The following CPN1 variants were observed in gnomAD, a reference collection of about 807,000 sequenced individuals.
CPN1 encodes the protein carboxypeptidase N subunit 1, also known as carboxypeptidase N catalytic chain.
In CPN1, 37 loss-of-function variants were observed where a neutral mutation model predicts 46.4. The observed-to-expected ratio is 0.80, with a 90% CI of 0.61 to 1.05. The LOEUF (loss-of-function observed/expected upper bound fraction) is 1.05, where lower values mean the gene tolerates loss of function less well. Among genes scored for constraint, CPN1 ranks in the 50% least tolerant of loss-of-function variants. The pLI, the probability that CPN1 is intolerant of heterozygous loss-of-function variation, is 0.00. For synonymous variants in CPN1, 224 were observed against 235.4 expected (o/e 0.95, Z 0.44); for missense variants, 563 against 602.6 (o/e 0.93, Z 0.69).
Position 100,054,383 on chromosome 10 carries a change from T to TA in CPN1, c.1074_1075insT (p.Ile359TyrfsTer7). On this transcript the variant is annotated frameshift_variant, in exon 7 of 9. Transcript: ENST00000370418. LOFTEE classifies it high-confidence loss of function. ...TCATGGTTAATCCCACTGACAGAAA[T>TA]GACAGCATTGGCGAGATTATTGTAA... is the stretch of plus-strand genomic sequence containing the variant. The TA allele has an allele frequency of 6.2e-7, 1 of 1,614,074 alleles. No homozygotes were observed. The highest frequency in any genetic ancestry group is 1.3e-5 in the African/African-American group (1 of 75,026).
intron 5 of CPN1, among the ~76,000 whole-genome samples, chr10:100,057,782 G>A (rs1247098825): frequency 1.3e-5 from 2 of 152,252 alleles, no homozygotes; most frequent in Admixed American, 1.3e-4. Context: ...AACGTGAGGA[G>A]TATTGGGGTG....
At chr10:100,052,715 A>G (rs1209417269) in intron 7 of CPN1, among the ~76,000 whole-genome samples, 1 of 152,082 alleles carries the variant, frequency 6.6e-6, no homozygotes, top group African/African-American at 2.4e-5. Context: ...AAAAATAAAA[A>G]TAAAAAATAA....
intron 1 of CPN1, among the ~76,000 whole-genome samples, chr10:100,080,184 G>A (rs1401234550): frequency 6.6e-6 from 1 of 152,168 alleles, no homozygotes; most frequent in East Asian, 1.9e-4. Context: ...GGATGTGGAA[G>A]CGAAGAGGTA....
At chr10:100,058,328 G>A (rs1158171991) in intron 5 of CPN1, among the ~76,000 whole-genome samples, 1 of 152,110 alleles carries the variant, frequency 6.6e-6, no homozygotes, top group African/African-American at 2.4e-5. Flanking sequence ...AGACCTGGGA[G>A]GTTAGGAATG....
chr10:100,042,862 G>T lies in CPN1; in HGVS notation c.1231-289C>A, dbSNP rs185814980. Among the ~76,000 whole-genome samples the T allele has an allele frequency of 5.0e-3, 755 of 152,120 alleles. 11 individuals carry two copies. Among genetic ancestry groups the T allele is most frequent in the African/African-American group, 0.017 (725 of 41,518 alleles). On this transcript the variant is annotated intron_variant, in intron 8 of 8. Coordinates refer to ENST00000370418, the MANE Select transcript of CPN1 (RefSeq NM_001308.3). ...TAATCCCAGCACTTGGGAGGCTGAG[G>T]TGGTGGATCACCTGAGGTCAGGAGT... is the stretch of plus-strand genomic sequence containing the variant.
At chr10:100,076,243 C>A (rs74565668) in intron 1 of CPN1, 136 bp from the exon 2 acceptor site, 29,508 of 854,008 alleles carry the variant, frequency 0.035, 726 homozygotes, top group African/African-American at 0.083. Flanking sequence ...GCAATAATCC[C>A]TGAGCCCCTT....
chr10:100,078,842 G>A (rs1286979154), intron 1 of CPN1, among the ~76,000 whole-genome samples: 1 of 152,186 alleles, frequency 6.6e-6, no homozygotes, highest in East Asian at 1.9e-4. Flanking sequence ...CAGGGCCTAT[G>A]AGGCCCTGCG....
intron 8 of CPN1, among the ~76,000 whole-genome samples, chr10:100,046,515 G>A (rs2041313078): frequency 6.6e-6 from 1 of 152,220 alleles, no homozygotes; most frequent in Admixed American, 6.5e-5. Context: ...GCTCACGCCT[G>A]TAATCTCAGC....
chr10:100,056,969 A>G (rs371734491), intron 6 of CPN1, 44 bp downstream of exon 6: 534 of 1,613,820 alleles, frequency 3.3e-4, no homozygotes, highest in Non-Finnish European at 4.0e-4. Context: ...ATTGAGAAGC[A>G]CTTCTCTTTT....
intron 5 of CPN1, among the ~76,000 whole-genome samples, chr10:100,060,020 T>C (rs1264423374): frequency 6.6e-6 from 1 of 152,196 alleles, no homozygotes; most frequent in Non-Finnish European, 1.5e-5. Flanking sequence ...ATCCCACTTA[T>C]ATGAGGTACT....
In CPN1 at chr10:100,081,832, CCTTT is replaced by C; in HGVS notation, c.-211_-208del. 1.7e-6 allele frequency: 1 copy of C among 590,546 alleles called. No individual in the cohort carries two copies. Among genetic ancestry groups the C allele is most frequent in the East Asian group, 3.0e-5 (1 of 33,264 alleles). 36.6% of individuals were successfully genotyped at this position (590,546 alleles called of 1,614,324 possible). A position where few individuals can be genotyped will look rare whatever the true frequency, so the allele number is the denominator to read the frequency against. ...GCCACTCATCTCTCCTCCCTCACTCCCTTTCTTTCTCTAATCCAGGAAAGCCTTT... is the reference window on the plus strand; with the variant it reads ...GCCACTCATCTCTCCTCCCTCACTCCCTTTCTCTAATCCAGGAAAGCCTTT... On this transcript the variant is annotated 5_prime_UTR_variant, in exon 1 of 9. Transcript: ENST00000370418.
chr10:100,047,933 G>A (rs984118103), intron 8 of CPN1, among the ~76,000 whole-genome samples: 3 of 152,030 alleles, frequency 2.0e-5, no homozygotes, highest in African/African-American at 4.8e-5. Context: ...CGGGTGTTGC[G>A]GTGAGCCGAG....
chr10:100,043,663 C>CT lies in CPN1; in HGVS notation c.1231-1091dup, dbSNP rs200665612. ...GGTATGGACTTGGGGATTTATTTTA[C>CT]TTTTCTTTTTTTTTTTAATTTTAGA... is the stretch of plus-strand genomic sequence containing the variant. On this transcript the variant is annotated intron_variant, in intron 8 of 8. Coordinates refer to ENST00000370418, the MANE Select transcript of CPN1 (RefSeq NM_001308.3). 5.8e-3 allele frequency among the ~76,000 whole-genome samples: 851 copies of CT among 145,502 alleles called. 14 individuals carry two copies. The highest frequency in any genetic ancestry group is 0.02 in the African/African-American group (759 of 38,052).
intron 2 of CPN1, among the ~76,000 whole-genome samples, chr10:100,071,858 T>G (rs1589478410): frequency 6.6e-6 from 1 of 152,334 alleles, no homozygotes; most frequent in African/African-American, 2.4e-5. Context: ...TATAAGGGAC[T>G]TGAGCATCCA....
intron 8 of CPN1, among the ~76,000 whole-genome samples, chr10:100,047,347 A>T (rs897174216): frequency 6.6e-6 from 1 of 152,132 alleles, no homozygotes; most frequent in Admixed American, 6.5e-5. Context: ...AGGAGGACAT[A>T]TCTGACCTCC....
intron 8 of CPN1, 79 bp from the exon 9 acceptor site, chr10:100,042,652 C>A: frequency 6.3e-7 from 1 of 1,577,486 alleles, no homozygotes; most frequent in Non-Finnish European, 8.7e-7. Flanking sequence ...GGGCTGGGTA[C>A]TAGGGAAAAT....
At chr10:100,071,221 T>C (rs953105913) in intron 2 of CPN1, among the ~76,000 whole-genome samples, 3 of 152,218 alleles carry the variant, frequency 2.0e-5, no homozygotes, top group African/African-American at 7.2e-5. Context: ...ATTAGGAAAC[T>C]GTGTTAGTTT....
chr10:100,063,418 G>GCCAT (rs1027774819), intron 5 of CPN1, among the ~76,000 whole-genome samples, 196 bp downstream of exon 5: 1 of 152,202 alleles, frequency 6.6e-6, no homozygotes, highest in African/African-American at 2.4e-5. Context: ...ACTGTGCCCA[G>GCCAT]CCATCCCCAC....
At chr10:100,078,255 A>G (rs570010708) in intron 1 of CPN1, among the ~76,000 whole-genome samples, 4 of 152,256 alleles carry the variant, frequency 2.6e-5, no homozygotes, top group Admixed American at 6.5e-5. Context: ...AAGTCTCACT[A>G]TGTTGTCCAG....
Sources: allele counts gnomAD v4.1 joint callset (sites outside exome capture counted in the v4.1 genomes callset), GRCh38; gene constraint gnomAD v4.1.1; transcripts MANE v1.5; gene names NCBI Gene and HGNC (gene_info 2026-07-23, HGNC 2026-07-21).